SEPHS1: variants seen among roughly 807,000 people sequenced by gnomAD.
The protein encoded by SEPHS1 is selenophosphate synthetase 1.
Under a neutral mutation model 39.2 loss-of-function variants are expected in SEPHS1, and 7 were observed. The ratio of observed to expected loss-of-function variants is 0.18; its 90% CI spans 0.10 to 0.34. The LOEUF (loss-of-function observed/expected upper bound fraction) is 0.34. SEPHS1 is among the 10% of genes least tolerant of loss of function. SEPHS1 has a pLI of 1.00. For synonymous variants in SEPHS1, 190 were observed against 195.5 expected, an observed-to-expected ratio of 0.97 and a Z score of 0.23; for missense variants, 253 against 514.5, an observed-to-expected ratio of 0.49 and a Z score of 4.92.
At chr10:13,332,391 C>A (rs772008244) in intron 5 of SEPHS1, among the ~76,000 whole-genome samples, 1 of 152,120 alleles carries the variant, frequency 6.6e-6, no homozygotes, top group South Asian at 2.1e-4. Context: ...GAGTGAGCTA[C>A]AGGGCTTCTT....
At position 13,344,917 on chromosome 10, in the gene SEPHS1, A is replaced by T. The variant is rs762547449; in HGVS notation, c.34T>A (p.Tyr12Asn). ...STRESFNPES[Y>N]ELDKSFRLTR... is the part of the protein sequence containing the mutation. ...AGCCGGAAGCTTTTGTCCAATTCGTAACTTTCCGGGTTAAAGGACTCCCGC... is the reference window on the plus strand; with the variant it reads ...AGCCGGAAGCTTTTGTCCAATTCGTTACTTTCCGGGTTAAAGGACTCCCGC... The change falls in exon 2 of 9, where the codon TAC (tyrosine) becomes AAC (asparagine). Residue 12 changes from tyrosine (Y) to asparagine (N), a missense_variant. This residue lies in a region of SEPHS1 where 123 missense variants were observed against 196.8 expected (regional missense o/e 0.62). Transcript: ENST00000327347. 1 of 1,593,448 alleles carries T rather than the reference A, an allele frequency of 6.3e-7. No individual in the cohort carries two copies. Among genetic ancestry groups the T allele is most frequent in the East Asian group, 2.3e-5 (1 of 43,766 alleles).
At position 13,319,115 on chromosome 10, in the gene SEPHS1, A is replaced by G; in HGVS notation, c.*27T>C. ...AAGGGAAATAGATCTATTTAAAAACAAAACCAAACAGCTATTTCTGTCTAG... is the reference window on the plus strand; with the variant it reads ...AAGGGAAATAGATCTATTTAAAAACGAAACCAAACAGCTATTTCTGTCTAG... On this transcript the variant is annotated 3_prime_UTR_variant, in exon 9 of 9. Transcript: ENST00000327347. 6.2e-7 allele frequency: 1 copy of G among 1,604,144 alleles called. No individual in the cohort carries two copies. The highest frequency in any genetic ancestry group is 2.2e-5 in the East Asian group (1 of 44,826).
At position 13,320,187 on chromosome 10, in the gene SEPHS1, A is replaced by AT. The variant is rs991848446; in HGVS notation, c.965-832dup. 1.8e-3 allele frequency among the ~76,000 whole-genome samples: 260 copies of AT among 145,864 alleles called. 1 individual carries two copies. The highest frequency in any genetic ancestry group is 2.0e-3 in the African/African-American group (82 of 40,132). On this transcript the variant is annotated intron_variant, in intron 8 of 8. Coordinates refer to ENST00000327347, the MANE Select transcript of SEPHS1 (RefSeq NM_012247.5). The stretch of plus-strand genomic sequence containing the variant: ...GCTCTTTCCAGTAAATAGGCCATAA[A>AT]TTTTTTTTTTTTTTGAGACGGAGTC...
At chr10:13,341,900 G>A (rs1833795781) in intron 2 of SEPHS1, among the ~76,000 whole-genome samples, 1 of 151,502 alleles carries the variant, frequency 6.6e-6, no homozygotes, top group African/African-American at 2.4e-5. Flanking sequence ...CCTTGAACCC[G>A]GGAGGCAGAG....
chr10:13,334,496 G>C (rs187708852), intron 4 of SEPHS1, among the ~76,000 whole-genome samples: 1 of 152,032 alleles, frequency 6.6e-6, no homozygotes, highest in Non-Finnish European at 1.5e-5. Context: ...AGCCAAGATC[G>C]CATCACTGCA....
At chr10:13,342,773 T>C (rs943264429) in intron 2 of SEPHS1, among the ~76,000 whole-genome samples, 2 of 151,728 alleles carry the variant, frequency 1.3e-5, no homozygotes, top group Non-Finnish European at 2.9e-5. Context: ...TCTCACTCTG[T>C]CTCCCAGGCC....
chr10:13,330,938 A>AACCC (rs1262936517), intron 5 of SEPHS1, among the ~76,000 whole-genome samples: 1 of 152,000 alleles, frequency 6.6e-6, no homozygotes, highest in East Asian at 1.9e-4. Flanking sequence ...TGTACCCATC[A>AACCC]ACCCGTCCTT....
At chr10:13,333,012 G>A (rs1035609389) in intron 5 of SEPHS1, among the ~76,000 whole-genome samples, 1 of 152,084 alleles carries the variant, frequency 6.6e-6, no homozygotes, top group African/African-American at 2.4e-5. Context: ...GTTTCTTCCT[G>A]TAGCAATGAA....
chr10:13,326,566 G>A (rs560828257), intron 7 of SEPHS1, among the ~76,000 whole-genome samples: 4 of 111,150 alleles, frequency 3.6e-5, no homozygotes, highest in African/African-American at 1.4e-4. Flanking sequence ...TTTTTTTTTT[G>A]AGACATGATC....
In SEPHS1 at chr10:13,344,761, G is replaced by T; in HGVS notation, c.190C>A (p.Leu64Ile). The T allele has an allele frequency of 6.6e-7, 1 of 1,517,860 alleles. No individual in the cohort carries two copies. The highest frequency in any genetic ancestry group is 1.4e-5 in the African/African-American group (1 of 72,366). The allele number at this position is 1,517,860 out of a possible 1,614,324, so 94.0% of individuals were successfully genotyped here. The change falls in exon 2 of 9, where the codon CTT (leucine) becomes ATT (isoleucine). Residue 64 changes from leucine (L) to isoleucine (I), a missense_variant. Physicochemically the swap from Leu to Ile is conservative, Grantham distance 5. This residue lies in a region of SEPHS1 where 123 missense variants were observed against 196.8 expected (regional missense o/e 0.62). Transcript: ENST00000327347. ...AAAGAAACACTGGGTTACCTACCAA[G>T]CCTTGGCATAACGGCTCCCAGAAAC... ...EQFLGAVMPR[L>I]GIGMDTCVIP... is the part of the protein sequence containing the mutation.
At chr10:13,324,988 T>C (rs1400660470) in intron 7 of SEPHS1, among the ~76,000 whole-genome samples, 2 of 152,226 alleles carry the variant, frequency 1.3e-5, no homozygotes, top group African/African-American at 4.8e-5. Flanking sequence ...GTCAAGGTCT[T>C]TGGGCCATGT....
At chr10:13,319,760 A>G (rs1286271740) in intron 8 of SEPHS1, among the ~76,000 whole-genome samples, 1 of 152,132 alleles carries the variant, frequency 6.6e-6, no homozygotes, top group Non-Finnish European at 1.5e-5. Context: ...GATTACAGGA[A>G]TGAACCACCA....
At chr10:13,346,005 G>T (rs1320762102) in intron 1 of SEPHS1, among the ~76,000 whole-genome samples, 2 of 152,258 alleles carry the variant, frequency 1.3e-5, no homozygotes, top group African/African-American at 2.4e-5. Context: ...AGCCTGGAAA[G>T]TTCTCTGATG....
intron 1 of SEPHS1, among the ~76,000 whole-genome samples, chr10:13,346,796 G>T (rs892980747): frequency 6.6e-6 from 1 of 152,064 alleles, no homozygotes; most frequent in South Asian, 2.1e-4. Flanking sequence ...TCCTCTCCTG[G>T]CTCCCAAAAA....
intron 3 of SEPHS1, among the ~76,000 whole-genome samples, chr10:13,337,092 A>C (rs1833658874): frequency 6.6e-6 from 1 of 152,198 alleles, no homozygotes; most frequent in Non-Finnish European, 1.5e-5. Context: ...TGGAGGTTGC[A>C]GTAAGCTGAG....
In SEPHS1 at chr10:13,319,135, G is replaced by C. The variant is rs750095396; in HGVS notation, c.*7C>G. 4.3e-6 allele frequency: 7 copies of C among 1,611,030 alleles called. No individual in the cohort carries two copies. The highest frequency in any genetic ancestry group is 5.9e-6 in the Non-Finnish European group (7 of 1,178,792). On this transcript the variant is annotated 3_prime_UTR_variant, in exon 9 of 9. Transcript: ENST00000327347. ...AAAACAAAACCAAACAGCTATTTCTGTCTAGATTAAGAGGTGGCCCCGGGT... is the reference window on the plus strand; with the variant it reads ...AAAACAAAACCAAACAGCTATTTCTCTCTAGATTAAGAGGTGGCCCCGGGT...
chr10:13,338,650 C>T (rs1564451441), intron 3 of SEPHS1, 55 bp downstream of exon 3: 1 of 1,427,168 alleles, frequency 7.0e-7, no homozygotes, highest in African/African-American at 1.4e-5. Flanking sequence ...CAGCCACAAC[C>T]CAAACCAAAC....
intron 5 of SEPHS1, among the ~76,000 whole-genome samples, chr10:13,331,393 C>CT (rs71513366): frequency 0.45 from 67,983 of 150,262 alleles, 16,989 homozygotes; most frequent in East Asian, 0.77. Flanking sequence ...AATTCTAGAT[C>CT]TTTTTTTTTT....
chr10:13,330,088 CACA>C (rs951729102), intron 5 of SEPHS1, among the ~76,000 whole-genome samples: 1 of 152,222 alleles, frequency 6.6e-6, no homozygotes, highest in Non-Finnish European at 1.5e-5. Flanking sequence ...GCCTGGGCAA[CACA>C]ACAAGGACCC....
Sources: gnomAD v4.1 joint callset for allele counts (sites outside exome capture counted in the v4.1 genomes callset) on GRCh38, gnomAD v4.1.1 for gene constraint, gnomAD v4.1.1 regional missense constraint, MANE v1.5 for transcripts, NCBI Gene and HGNC (gene_info 2026-07-23, HGNC 2026-07-21) for gene names.